AFF3: variants seen among roughly 807,000 people sequenced by gnomAD.
The protein encoded by AFF3 is ALF transcription elongation factor 3, also known as AF4/FMR2 family member 3.
Under a neutral mutation model 129.7 loss-of-function variants are expected in AFF3, and 32 were observed. The ratio of observed to expected loss-of-function variants is 0.25; its 90% CI spans 0.19 to 0.33. The LOEUF (loss-of-function observed/expected upper bound fraction) is 0.33, where lower values mean the gene tolerates loss of function less well. Among genes scored for constraint, AFF3 ranks in the 10% least tolerant of loss-of-function variants. The pLI is 1.00. For missense variants in AFF3, 1,373 were observed against 1,592.0 expected, an observed-to-expected ratio of 0.86 and a Z score of 2.34; for synonymous variants, 644 against 635.4, an observed-to-expected ratio of 1.01 and a Z score of -0.20.
intron 7 of AFF3, among the ~76,000 whole-genome samples, chr2:99,881,382 G>A (rs1251752707): frequency 1.4e-5 from 2 of 146,334 alleles, no homozygotes; most frequent in African/African-American, 2.6e-5. Flanking sequence ...TAGCAAAGAC[G>A]GATTCATTTG....
intron 12 of AFF3, among the ~76,000 whole-genome samples, chr2:99,660,712 C>A (rs1009555049): frequency 6.6e-6 from 1 of 152,184 alleles, no homozygotes; most frequent in South Asian, 2.1e-4. Context: ...GGAATCCTTG[C>A]GTGCAGGGTT....
intron 7 of AFF3, among the ~76,000 whole-genome samples, chr2:99,928,063 C>T (rs527576195): frequency 1.3e-5 from 2 of 152,350 alleles, no homozygotes; most frequent in South Asian, 2.1e-4. Context: ...ACTTGCTCCT[C>T]CTTGCCTTCC....
At chr2:99,677,277 A>C (rs1674062125) in intron 11 of AFF3, among the ~76,000 whole-genome samples, 1 of 151,418 alleles carries the variant, frequency 6.6e-6, no homozygotes, top group Admixed American at 6.6e-5. Flanking sequence ...AAAAAAAAAA[A>C]AAAAAAATTG....
In AFF3 at chr2:99,870,453, C is replaced by T. The variant is rs149272354; in HGVS notation, c.874-32929G>A. Reference sequence around the variant, plus strand: ...CCTCTTCCATCATGTGTGAAACTGGCTGAGAAAAGCGGGGTTGTACCCTCA... The same window carrying T: ...CCTCTTCCATCATGTGTGAAACTGGTTGAGAAAAGCGGGGTTGTACCCTCA... On this transcript the variant is annotated intron_variant, in intron 7 of 24. Transcript: ENST00000672756. Among the ~76,000 whole-genome samples the T allele has an allele frequency of 2.4e-3, 369 of 152,348 alleles. 6 individuals are homozygous for T. Among genetic ancestry groups the T allele is most frequent in the African/African-American group, 8.5e-3 (354 of 41,588 alleles).
chr2:100,031,096 CCAAATAATAACTTTAGA>C (rs1307347543), intron 4 of AFF3, among the ~76,000 whole-genome samples: 3 of 151,802 alleles, frequency 2.0e-5, no homozygotes, highest in African/African-American at 7.3e-5. Flanking sequence ...AAATCCTGAC[CCAAATAATAACTTTAGA>C]AATAAGTGGA....
At chr2:99,966,045 A>T (rs546878925) in intron 7 of AFF3, among the ~76,000 whole-genome samples, 2 of 152,198 alleles carry the variant, frequency 1.3e-5, no homozygotes, top group Non-Finnish European at 2.9e-5. Context: ...CAAGATATTA[A>T]AATTATTACA....
intron 16 of AFF3, among the ~76,000 whole-genome samples, chr2:99,584,418 G>A (rs7578030): frequency 0.02 from 2,976 of 152,288 alleles, 111 homozygotes; most frequent in African/African-American, 0.067. Context: ...GCAGTGAGGC[G>A]AGATTGCGCC....
At chr2:99,957,678 A>G (rs1451150361) in intron 7 of AFF3, among the ~76,000 whole-genome samples, 2 of 152,198 alleles carry the variant, frequency 1.3e-5, no homozygotes, top group Non-Finnish European at 2.9e-5. Context: ...CAGACAATAA[A>G]CCACTGTCAG....
intron 7 of AFF3, among the ~76,000 whole-genome samples, chr2:99,898,622 TTGCTCACGTTGACAC>T: frequency 6.6e-6 from 1 of 152,326 alleles, no homozygotes; most frequent in East Asian, 1.9e-4. Flanking sequence ...AGTCCTGCAC[TTGCTCACGTTGACAC>T]TGGGGGCTGC....
intron 8 of AFF3, among the ~76,000 whole-genome samples, chr2:99,801,034 T>C (rs560985558): frequency 2.0e-5 from 3 of 152,326 alleles, no homozygotes; most frequent in South Asian, 2.1e-4. Flanking sequence ...GCAAATTCTA[T>C]AGCATGAGTT....
intron 7 of AFF3, among the ~76,000 whole-genome samples, chr2:100,004,760 T>C (rs1054413391): frequency 2.7e-4 from 41 of 151,986 alleles, no homozygotes; most frequent in African/African-American, 9.9e-4. Flanking sequence ...ATTGTGGGAG[T>C]GGACTGATTA....
chr2:100,111,195 G>A (rs1042694093), intron 2 of AFF3, among the ~76,000 whole-genome samples: 12 of 152,234 alleles, frequency 7.9e-5, no homozygotes, highest in South Asian at 4.1e-4. Flanking sequence ...CACTCTAGCG[G>A]TGTTTTGAAT....
intron 16 of AFF3, among the ~76,000 whole-genome samples, chr2:99,585,857 T>C (rs759450036): frequency 2.0e-5 from 3 of 152,162 alleles, no homozygotes; most frequent in Non-Finnish European, 4.4e-5. Context: ...GCCTCCCAAG[T>C]AGCTGGGACT....
At chr2:99,617,525 T>C (rs1348528802) in intron 13 of AFF3, among the ~76,000 whole-genome samples, 3 of 152,244 alleles carry the variant, frequency 2.0e-5, no homozygotes, top group Non-Finnish European at 1.5e-5. Context: ...ATTTTCTATA[T>C]ATTCTGGATA....
chr2:99,595,688 C>A (rs908372649), intron 14 of AFF3, among the ~76,000 whole-genome samples: 4 of 152,202 alleles, frequency 2.6e-5, no homozygotes, highest in Admixed American at 2.0e-4. Flanking sequence ...CTCTTGGCCT[C>A]ACCCCAGGCA....
At chr2:99,992,385 G>T (rs1680436216) in intron 7 of AFF3, among the ~76,000 whole-genome samples, 1 of 152,126 alleles carries the variant, frequency 6.6e-6, no homozygotes, top group Non-Finnish European at 1.5e-5. Context: ...TGTCATAAGA[G>T]AACTCATGAA....
At chr2:99,856,448 A>G (rs1290288456) in intron 7 of AFF3, among the ~76,000 whole-genome samples, 2 of 152,316 alleles carry the variant, frequency 1.3e-5, no homozygotes, top group East Asian at 1.9e-4. Context: ...TGAATTGTCC[A>G]TTTAAAATTG....
intron 12 of AFF3, among the ~76,000 whole-genome samples, chr2:99,663,118 T>C (rs1003583171): frequency 6.6e-6 from 1 of 152,258 alleles, no homozygotes; most frequent in South Asian, 2.1e-4. Flanking sequence ...ACATGTACTG[T>C]CAATGCTTTC....
intron 12 of AFF3, among the ~76,000 whole-genome samples, chr2:99,658,413 G>T (rs1462359355): frequency 6.6e-6 from 1 of 151,994 alleles, no homozygotes; most frequent in Non-Finnish European, 1.5e-5. Flanking sequence ...CATGATGTGG[G>T]GTGGGTGATA....
Sources: allele counts gnomAD v4.1 joint callset (sites outside exome capture counted in the v4.1 genomes callset), GRCh38; gene constraint gnomAD v4.1.1; transcripts MANE v1.5; gene names NCBI Gene and HGNC (gene_info 2026-07-23, HGNC 2026-07-21).